MPP7: variants seen among roughly 807,000 people sequenced by gnomAD.
The protein encoded by MPP7 is MAGUK p55 scaffold protein 7.
Under a neutral mutation model 76.5 loss-of-function variants are expected in MPP7, and 60 were observed. That is an observed-to-expected ratio of 0.78 (90% confidence interval 0.64 to 0.97). MPP7 has a LOEUF of 0.97. Ranked by LOEUF, MPP7 falls within the 50% of genes least tolerant of loss-of-function variation. MPP7 has a pLI of 0.00. For missense variants in MPP7, 641 were observed against 694.0 expected (o/e 0.92, Z 0.86); for synonymous variants, 237 against 244.5 (o/e 0.97, Z 0.29).
intron 1 of MPP7, among the ~76,000 whole-genome samples, chr10:28,296,888 T>G (rs1419021826): frequency 1.3e-5 from 2 of 152,286 alleles, no homozygotes; most frequent in African/African-American, 4.8e-5. Flanking sequence ...GACTCAGTAA[T>G]CTAAGAAAGC....
intron 3 of MPP7, among the ~76,000 whole-genome samples, chr10:28,169,015 AAGG>A (rs34576179): frequency 0.016 from 2,481 of 152,246 alleles, 25 homozygotes; most frequent in Non-Finnish European, 0.024. Context: ...AGTCTGTAAC[AAGG>A]AGTTCTTTTG....
intron 16 of MPP7, among the ~76,000 whole-genome samples, chr10:28,056,164 C>T (rs1208606150): frequency 6.6e-6 from 1 of 152,044 alleles, no homozygotes; most frequent in East Asian, 1.9e-4. Context: ...CACTCTCAGT[C>T]TCCTGGGGTC....
chr10:28,202,333 G>C (rs1837803542), intron 2 of MPP7, 62 bp from the exon 3 acceptor site: 2 of 1,221,866 alleles, frequency 1.6e-6, no homozygotes, highest in South Asian at 2.7e-5. Flanking sequence ...TTTCGCCTAA[G>C]GTGTGTGTAA....
chr10:28,313,030 G>A (rs7100394), intron 2 of MPP7, among the ~76,000 whole-genome samples: 70 of 152,300 alleles, frequency 4.6e-4, no homozygotes, highest in African/African-American at 1.5e-3. Context: ...TTCACTTCCA[G>A]CAAAGATGTT....
chr10:28,293,759 C>T (rs1468024027), intron 1 of MPP7, among the ~76,000 whole-genome samples: 1 of 152,226 alleles, frequency 6.6e-6, no homozygotes, highest in African/African-American at 2.4e-5. Flanking sequence ...GCATCCCATC[C>T]TAGCGACCGA....
intron 1 of MPP7, among the ~76,000 whole-genome samples, chr10:28,284,738 G>A (rs1840755658): frequency 1.3e-5 from 2 of 152,188 alleles, no homozygotes; most frequent in African/African-American, 4.8e-5. Flanking sequence ...AACAAGAACA[G>A]AGGTCAACTT....
At chr10:28,059,119 G>A (rs1851678104) in intron 14 of MPP7, among the ~76,000 whole-genome samples, 1 of 152,182 alleles carries the variant, frequency 6.6e-6, no homozygotes, top group Non-Finnish European at 1.5e-5. Context: ...AACACATATT[G>A]CTTCTGATAG....
At chr10:28,239,453 T>A (rs1839194785) in intron 1 of MPP7, among the ~76,000 whole-genome samples, 1 of 152,112 alleles carries the variant, frequency 6.6e-6, no homozygotes, top group Non-Finnish European at 1.5e-5. Context: ...AGCCTAATTG[T>A]ATTTTTTTAA....
chr10:28,208,933 AT>A (rs139989570), intron 2 of MPP7, among the ~76,000 whole-genome samples: 13,134 of 152,170 alleles, frequency 0.086, 638 homozygotes, highest in Non-Finnish European at 0.12. Context: ...TGGATCCCTC[AT>A]GGCTTGAAGC....
intron 3 of MPP7, among the ~76,000 whole-genome samples, chr10:28,191,761 T>C (rs1837416500): frequency 6.6e-6 from 1 of 152,184 alleles, no homozygotes; most frequent in African/African-American, 2.4e-5. Flanking sequence ...CATTCATAAG[T>C]AAATTAATGT....
At chr10:28,244,933 CAAT>C (rs757901250) in intron 1 of MPP7, among the ~76,000 whole-genome samples, 1 of 152,170 alleles carries the variant, frequency 6.6e-6, no homozygotes, top group Non-Finnish European at 1.5e-5. Flanking sequence ...CCATCTACAA[CAAT>C]GAGTGCACCA....
intron 13 of MPP7, among the ~76,000 whole-genome samples, chr10:28,061,179 CA>C (rs919449171): frequency 2.0e-5 from 3 of 150,244 alleles, no homozygotes; most frequent in South Asian, 2.1e-4. Context: ...CAAAACAAAA[CA>C]AAAAAAACAC....
At chr10:28,071,761 G>C (rs953763729) in intron 12 of MPP7, among the ~76,000 whole-genome samples, 8 of 152,114 alleles carry the variant, frequency 5.3e-5, no homozygotes, top group African/African-American at 1.9e-4. Context: ...TAATAAATAA[G>C]TTTGGATTTA....
chr10:28,183,466 G>C (rs769860206), intron 3 of MPP7, among the ~76,000 whole-genome samples: 14 of 152,144 alleles, frequency 9.2e-5, no homozygotes, highest in Non-Finnish European at 1.8e-4. Context: ...AAAAGAGTGA[G>C]AGCAAAGAAA....
chr10:28,163,030 T>C (rs1836316393), intron 3 of MPP7, among the ~76,000 whole-genome samples: 1 of 152,144 alleles, frequency 6.6e-6, no homozygotes, highest in South Asian at 2.1e-4. Flanking sequence ...CGTCATTACA[T>C]CTGCAAAGTC....
chr10:28,311,120 A>C (rs1477230592), intron 2 of MPP7, among the ~76,000 whole-genome samples: 1 of 152,214 alleles, frequency 6.6e-6, no homozygotes, highest in Non-Finnish European at 1.5e-5. Context: ...AAAATGAAAG[A>C]GTTTTCATCA....
At chr10:28,267,920 C>T (rs1840197324) in intron 1 of MPP7, among the ~76,000 whole-genome samples, 1 of 151,920 alleles carries the variant, frequency 6.6e-6, no homozygotes, top group Admixed American at 6.6e-5. Context: ...CCTGTAATCC[C>T]AGCTATTCGG....
chr10:28,273,620 A>G (rs183513557), intron 1 of MPP7, among the ~76,000 whole-genome samples: 220 of 152,346 alleles, frequency 1.4e-3, no homozygotes, highest in African/African-American at 5.1e-3. Flanking sequence ...CAGAGACTAT[A>G]AAAGCAAGGA....
At chr10:28,077,394 A>C (rs931930097) in intron 12 of MPP7, among the ~76,000 whole-genome samples, 5 of 152,190 alleles carry the variant, frequency 3.3e-5, no homozygotes, top group Non-Finnish European at 5.9e-5. Context: ...ACATAATTTC[A>C]ATCATTCTTA....
Sources: allele counts gnomAD v4.1 joint callset (sites outside exome capture counted in the v4.1 genomes callset), GRCh38; gene constraint gnomAD v4.1.1; transcripts MANE v1.5; gene names NCBI Gene and HGNC (gene_info 2026-07-23, HGNC 2026-07-21).